Variants in ARID4B observed in about 807,000 individuals in gnomAD.
ARID4B encodes AT-rich interaction domain 4B, also known as AT-rich interactive domain-containing protein 4B.
Under a neutral mutation model 147.5 loss-of-function variants are expected in ARID4B, and 26 were observed. That is an observed-to-expected ratio of 0.18 (90% CI 0.13 to 0.24). The LOEUF (loss-of-function observed/expected upper bound fraction) is 0.24, where lower values mean the gene tolerates loss of function less well. Among genes scored for constraint, ARID4B ranks in the 10% least tolerant of loss-of-function variants. ARID4B has a pLI of 1.00. For missense variants in ARID4B, 1,179 were observed against 1,511.5 expected (o/e 0.78, Z 3.65); for synonymous variants, 512 against 507.9 (o/e 1.01, Z -0.11).
intron 2 of ARID4B, among the ~76,000 whole-genome samples, chr1:235,309,133 T>A (rs1673818401): frequency 7.1e-6 from 1 of 141,304 alleles, no homozygotes. Context: ...CGCCGCCCCG[T>A]CTGGGATGTG....
At chr1:235,309,617 C>A (rs1673899214) in intron 2 of ARID4B, among the ~76,000 whole-genome samples, 1 of 151,632 alleles carries the variant, frequency 6.6e-6, no homozygotes, top group African/African-American at 2.4e-5. Flanking sequence ...TGCCCGGCCA[C>A]CCCTACTGGG....
At position 235,240,364 on chromosome 1, in the gene ARID4B, A is replaced by G. The variant is rs747755640; in HGVS notation, c.534T>C (p.Cys178=). The change falls in exon 8 of 24, where the codon TGT becomes TGC. Residue 178 remains cysteine, a synonymous_variant. Transcript: ENST00000264183. ...TTTTATCCAAACTAATGTAATCTAC[A>G]CATACAACTTTGCCTAGTAGCTCAT... is the stretch of plus-strand genomic sequence containing the variant. ...QIDELLGKVV[C]VDYISLDKKK... 6.2e-7 allele frequency: 1 copy of G among 1,613,634 alleles called. No homozygotes were observed. The highest frequency in any genetic ancestry group is 1.3e-5 in the African/African-American group (1 of 75,044).
At chr1:235,183,999 G>C (rs568120733) in intron 19 of ARID4B, among the ~76,000 whole-genome samples, 100 of 151,984 alleles carry the variant, frequency 6.6e-4, no homozygotes, top group African/African-American at 2.3e-3. Context: ...GGCTGGTCTT[G>C]AACTCCTGAG....
In ARID4B at chr1:235,168,210, C is replaced by A. The variant is rs1663078791; in HGVS notation, c.*315G>T. ...AGTAAGTTATCTTAACATGTTCTGA[C>A]CCACCCCTTAACTATGCTTACTGTA... On this transcript the variant is annotated 3_prime_UTR_variant, in exon 24 of 24. Transcript: ENST00000264183. 3.9e-6 allele frequency: 1 copy of A among 256,504 alleles called. No individual in the cohort carries two copies. The allele number at this position is 256,504 out of a possible 1,614,324, so 15.9% of individuals were successfully genotyped here.
In ARID4B at chr1:235,290,681, T is replaced by A. The variant is rs181181970; in HGVS notation, c.7-29929A>T. Among the ~76,000 whole-genome samples the A allele has an allele frequency of 1.2e-3, 178 of 152,334 alleles. 1 individual carries two copies. Among genetic ancestry groups the A allele is most frequent in the Non-Finnish European group, 2.1e-3 (146 of 68,026 alleles). ...GAACTGCAAAAACAATTGAGGAAAC[T>A]GGTTGTTTGCAGCTGGACATGGGCA... On this transcript the variant is annotated intron_variant, in intron 2 of 23. Transcript: ENST00000264183.
chr1:235,323,886 A>G (rs1218803014), intron 2 of ARID4B, among the ~76,000 whole-genome samples: 2 of 150,664 alleles, frequency 1.3e-5, no homozygotes, highest in Non-Finnish European at 3.0e-5. Context: ...GGTACTGCTG[A>G]TTTTTATTTT....
chr1:235,208,580 G>A (rs971632790), intron 17 of ARID4B, among the ~76,000 whole-genome samples: 1 of 151,912 alleles, frequency 6.6e-6, no homozygotes, highest in South Asian at 2.1e-4. Flanking sequence ...TCGGCTCACC[G>A]CAACCTCCGT....
intron 8 of ARID4B, among the ~76,000 whole-genome samples, chr1:235,237,840 C>T (rs1010145270): frequency 2.0e-5 from 3 of 152,106 alleles, no homozygotes; most frequent in African/African-American, 7.2e-5. Context: ...TTCTCAAGCA[C>T]AAATTGTAGA....
In ARID4B at chr1:235,251,219, TA is replaced by T. The variant is rs71172281; in HGVS notation, c.354+1510del. On this transcript the variant is annotated intron_variant, in intron 6 of 23. Coordinates refer to ENST00000264183, the MANE Select transcript of ARID4B (RefSeq NM_016374.6). ...ATCTTACAGCAAAAATGAGAAAAGT[TA>T]AAAAAAAAAAAAGGTCCTAAAACAA... Among the ~76,000 whole-genome samples, 729 of 140,862 alleles carry T rather than the reference TA, an allele frequency of 5.2e-3. 7 individuals are homozygous for T. The highest frequency in any genetic ancestry group is 7.5e-3 in the African/African-American group (278 of 37,304). The allele number at this position is 140,862 out of a possible 152,430, so 92.4% of individuals were successfully genotyped here.
intron 2 of ARID4B, among the ~76,000 whole-genome samples, chr1:235,292,025 A>G (rs538175309): frequency 3.3e-5 from 5 of 152,364 alleles, no homozygotes; most frequent in South Asian, 4.1e-4. Context: ...ATATTCTTTT[A>G]TAAGTATTTT....
intron 17 of ARID4B, among the ~76,000 whole-genome samples, chr1:235,206,883 C>T (rs1031266151): frequency 2.0e-5 from 3 of 152,060 alleles, no homozygotes; most frequent in East Asian, 3.8e-4. Flanking sequence ...GAAAATGGAG[C>T]GAAGAAATGT....
chr1:235,326,161 A>G (rs538542136), intron 2 of ARID4B, among the ~76,000 whole-genome samples: 2 of 152,172 alleles, frequency 1.3e-5, no homozygotes, highest in Non-Finnish European at 2.9e-5. Flanking sequence ...AAAAAAAAAA[A>G]AGACAGCATT....
intron 17 of ARID4B, among the ~76,000 whole-genome samples, chr1:235,196,342 A>G (rs1665487448): frequency 1.3e-5 from 2 of 152,228 alleles, no homozygotes; most frequent in African/African-American, 2.4e-5. Flanking sequence ...CCAAGACTAG[A>G]GAGCATGATC....
chr1:235,179,632 C>G (rs796661153), intron 20 of ARID4B, among the ~76,000 whole-genome samples: 41 of 149,352 alleles, frequency 2.7e-4, no homozygotes, highest in African/African-American at 9.8e-4. Context: ...TCAAATTCCA[C>G]AATTATTAAC....
intron 8 of ARID4B, among the ~76,000 whole-genome samples, chr1:235,239,589 G>T (rs766891480): frequency 1.3e-5 from 2 of 152,116 alleles, no homozygotes; most frequent in Non-Finnish European, 2.9e-5. Flanking sequence ...ACTTGCTAAA[G>T]AAGCTAGTGG....
chr1:235,187,000 G>C (rs1664729763), intron 19 of ARID4B: 1 of 335,660 alleles, frequency 3.0e-6, no homozygotes, highest in African/African-American at 2.3e-5. Flanking sequence ...CTGGCCTTTA[G>C]ATTTTTATCT....
At chr1:235,253,407 T>C (rs917333729) in intron 5 of ARID4B, among the ~76,000 whole-genome samples, 13 of 152,100 alleles carry the variant, frequency 8.5e-5, no homozygotes, top group African/African-American at 3.1e-4. Context: ...CAACCTAAAA[T>C]GTCTCCAGCT....
chr1:235,215,060 G>A (rs1666969539), intron 16 of ARID4B, among the ~76,000 whole-genome samples: 1 of 151,860 alleles, frequency 6.6e-6, no homozygotes, highest in African/African-American at 2.4e-5. Context: ...GGTCAGGCTG[G>A]TCTCAAACTC....
chr1:235,251,249 TAAGC>T (rs2103094632), intron 6 of ARID4B, among the ~76,000 whole-genome samples: 1 of 148,722 alleles, frequency 6.7e-6, no homozygotes, highest in African/African-American at 2.5e-5. Context: ...AAAACAAGAA[TAAGC>T]AAGAGAAGTG....
Sources: allele counts gnomAD v4.1 joint callset (sites outside exome capture counted in the v4.1 genomes callset), GRCh38; gene constraint gnomAD v4.1.1; transcripts MANE v1.5; gene names NCBI Gene and HGNC (gene_info 2026-07-23, HGNC 2026-07-21).